Variants in SYNPR observed in about 807,000 individuals in gnomAD.
SYNPR encodes the protein synaptoporin.
Under a neutral mutation model 32.9 loss-of-function variants are expected in SYNPR, and 23 were observed. The observed-to-expected ratio is 0.70, with a 90% confidence interval of 0.50 to 0.99. SYNPR has a LOEUF of 0.99. Among genes scored for constraint, SYNPR ranks in the 50% least tolerant of loss-of-function variants. The pLI is 0.00. For missense variants in SYNPR, 318 were observed against 349.3 expected (o/e 0.91, Z 0.71); for synonymous variants, 146 against 135.9 (o/e 1.07, Z -0.52).
intron 2 of SYNPR, among the ~76,000 whole-genome samples, chr3:63,260,059 T>G (rs917377739): frequency 9.2e-5 from 14 of 151,898 alleles, no homozygotes; most frequent in Non-Finnish European, 1.8e-4. Flanking sequence ...CACTGCTCAA[T>G]GAAATAAAAG....
Position 63,280,577 on chromosome 3 carries a change from T to C in SYNPR, c.84+1835T>C, listed in dbSNP as rs2086619619. 2.6e-5 allele frequency among the ~76,000 whole-genome samples: 4 copies of C among 152,326 alleles called. No individual in the cohort carries two copies. The South Asian group carries it at 6.2e-4, about 24-fold the overall frequency. ...AATGTTACCTCCTCAATGAAGACTT[T>C]TCTCGTATTTATTCCTTCCTCTTTC... On this transcript the variant is annotated intron_variant, in intron 2 of 5. Transcript: ENST00000478300.
rs575685499 is a variant in SYNPR, at chr3:63,569,811, A to AT, written c.408+13079dup. 7.9e-5 allele frequency among the ~76,000 whole-genome samples: 12 copies of AT among 151,858 alleles called. No individual in the cohort carries two copies. In the East Asian group the frequency reaches 1.2e-3, roughly 15 times the overall value. The stretch of plus-strand genomic sequence containing the variant: ...AACAAACATACAGAAATCCCATGTG[A>AT]TTTTTTTTTAGCATAATGGAATTCT... On this transcript the variant is annotated intron_variant, in intron 4 of 5. Coordinates refer to ENST00000478300, the MANE Select transcript of SYNPR (RefSeq NM_001130003.2).
chr3:63,428,210 C>T (rs1214507532), intron 2 of SYNPR, among the ~76,000 whole-genome samples: 4 of 152,164 alleles, frequency 2.6e-5, no homozygotes, highest in Non-Finnish European at 2.9e-5. Flanking sequence ...AGTCATTATT[C>T]TCTTTTCACA....
intron 4 of SYNPR, among the ~76,000 whole-genome samples, chr3:63,565,017 T>C (rs1171622447): frequency 6.6e-6 from 1 of 152,190 alleles, no homozygotes; most frequent in Non-Finnish European, 1.5e-5. Context: ...TTCCAGGGAA[T>C]TCCTCATTCA....
intron 2 of SYNPR, among the ~76,000 whole-genome samples, chr3:63,322,776 T>C (rs1348006712): frequency 2.6e-5 from 4 of 152,080 alleles, no homozygotes; most frequent in Admixed American, 2.6e-4. Context: ...AACCTCATCA[T>C]TGAGGCAAAT....
intron 2 of SYNPR, among the ~76,000 whole-genome samples, chr3:63,400,125 G>A (rs1428785786): frequency 6.6e-6 from 1 of 152,150 alleles, no homozygotes; most frequent in African/African-American, 2.4e-5. Context: ...GCTGATATTT[G>A]TATGAAAATA....
chr3:63,583,039 G>A (rs1703120403), intron 4 of SYNPR, among the ~76,000 whole-genome samples: 1 of 152,094 alleles, frequency 6.6e-6, no homozygotes, highest in Non-Finnish European at 1.5e-5. Context: ...GAAAGGGGCA[G>A]CTTTATAGGA....
intron 2 of SYNPR, among the ~76,000 whole-genome samples, chr3:63,420,508 A>T (rs1262186331): frequency 6.6e-6 from 1 of 152,192 alleles, no homozygotes; most frequent in Non-Finnish European, 1.5e-5. Context: ...CTTTATAGAA[A>T]AAAAATTGTA....
At chr3:63,613,927 C>T (rs1396978325) in intron 5 of SYNPR, among the ~76,000 whole-genome samples, 1 of 152,154 alleles carries the variant, frequency 6.6e-6, no homozygotes, top group African/African-American at 2.4e-5. Context: ...GAGATTTCTC[C>T]AAGCCTAAGA....
intron 4 of SYNPR, among the ~76,000 whole-genome samples, chr3:63,606,721 T>C (rs1009818116): frequency 2.0e-5 from 3 of 152,052 alleles, no homozygotes; most frequent in Non-Finnish European, 4.4e-5. Flanking sequence ...AAAACCAACT[T>C]AAAAAAACTT....
intron 4 of SYNPR, among the ~76,000 whole-genome samples, chr3:63,569,672 G>A (rs763461604): frequency 6.6e-6 from 1 of 152,240 alleles, no homozygotes; most frequent in Non-Finnish European, 1.5e-5. Flanking sequence ...CGCAAGCGTA[G>A]GCCCAGTGCT....
intron 2 of SYNPR, among the ~76,000 whole-genome samples, chr3:63,357,764 T>G (rs2087603023): frequency 6.6e-6 from 1 of 152,260 alleles, no homozygotes; most frequent in African/African-American, 2.4e-5. Flanking sequence ...AATTAGTCTA[T>G]TTGAGGCCCA....
At chr3:63,410,700 C>T (rs1186593580) in intron 2 of SYNPR, among the ~76,000 whole-genome samples, 1 of 152,182 alleles carries the variant, frequency 6.6e-6, no homozygotes, top group Non-Finnish European at 1.5e-5. Context: ...GCAGCTAGAA[C>T]ATATGCATGT....
At chr3:63,321,020 A>G (rs987222622) in intron 2 of SYNPR, among the ~76,000 whole-genome samples, 1 of 152,082 alleles carries the variant, frequency 6.6e-6, no homozygotes. Context: ...AAAATCAAGG[A>G]CAACAAGGAG....
chr3:63,278,878 C>A, intron 2 of SYNPR, 136 bp downstream of exon 2: 1 of 1,047,096 alleles, frequency 9.6e-7, no homozygotes, highest in Non-Finnish European at 1.4e-6. Flanking sequence ...TTCAATCCTG[C>A]CCCCTCCTAA....
At chr3:63,489,077 G>A (rs890191482) in intron 3 of SYNPR, among the ~76,000 whole-genome samples, 3 of 152,124 alleles carry the variant, frequency 2.0e-5, no homozygotes. Context: ...GGATTTGAGT[G>A]CAAGTAGTTT....
intron 2 of SYNPR, among the ~76,000 whole-genome samples, chr3:63,347,553 A>G (rs1333870970): frequency 6.6e-6 from 1 of 152,172 alleles, no homozygotes; most frequent in Non-Finnish European, 1.5e-5. Context: ...GTCGTGCTGA[A>G]GTCTGGGCTT....
intron 2 of SYNPR, among the ~76,000 whole-genome samples, chr3:63,467,200 A>C (rs1430772460): frequency 2.0e-5 from 3 of 151,888 alleles, no homozygotes; most frequent in Admixed American, 6.6e-5. Context: ...TATTTAATTT[A>C]TTTATTTTGT....
intron 2 of SYNPR, among the ~76,000 whole-genome samples, chr3:63,377,839 T>A (rs980613916): frequency 7.9e-5 from 12 of 152,012 alleles, no homozygotes; most frequent in East Asian, 3.9e-4. Context: ...ATAGGAAATT[T>A]AGCATATAAG....
Sources: gnomAD v4.1 joint callset for allele counts (sites outside exome capture counted in the v4.1 genomes callset) on GRCh38, gnomAD v4.1.1 for gene constraint, MANE v1.5 for transcripts, NCBI Gene and HGNC (gene_info 2026-07-23, HGNC 2026-07-21) for gene names.